The following RYR3 variants were observed in gnomAD, a reference collection of about 807,000 sequenced individuals.
RYR3 encodes brain ryanodine receptor-calcium release channel.
Under a neutral mutation model 584.3 loss-of-function variants are expected in RYR3, and 207 were observed. That is an observed-to-expected ratio of 0.35 (90% CI 0.32 to 0.40). The LOEUF is 0.40. Among genes scored for constraint, RYR3 ranks in the 10% least tolerant of loss-of-function variants. The probability of loss-of-function intolerance (pLI) is 1.00; values close to 1 mark genes in which losing one functional copy is unlikely to be tolerated. For synonymous variants in RYR3, 2,416 were observed against 2,248.5 expected (o/e 1.07, Z -2.11); for missense variants, 5,616 against 6,089.2 (o/e 0.92, Z 2.59).
rs746178483 is a variant in RYR3, at chr15:33,724,167, T to C, written c.6903T>C (p.Pro2301=). ...ALIDLLGRCA[P]EMHLIQTGKG... is the part of the protein sequence containing the mutation. ...TAGATCTACTGGGCCGCTGTGCTCC[T>C]GAAATGCACGTAAGTGATACAGCTT... The change falls in exon 45 of 104, where the codon CCT becomes CCC. Residue 2301 remains proline (P), a synonymous_variant. Transcript: ENST00000634891. The C allele has an allele frequency of 5.7e-6, 9 of 1,591,070 alleles. No individual in the cohort carries two copies. The highest frequency in any genetic ancestry group is 7.8e-6 in the Non-Finnish European group (9 of 1,160,456).
At chr15:33,799,049 A>AT (rs143553070) in intron 67 of RYR3, among the ~76,000 whole-genome samples, 2,621 of 150,982 alleles carry the variant, frequency 0.017, 82 homozygotes, top group African/African-American at 0.057. Context: ...TTTGAGACGC[A>AT]TTTTTTTTTA....
chr15:33,863,892 T>C (rs1889452288), intron 102 of RYR3, among the ~76,000 whole-genome samples: 1 of 152,252 alleles, frequency 6.6e-6, no homozygotes, highest in Non-Finnish European at 1.5e-5. Flanking sequence ...CAAGTGATCT[T>C]ACTTAGTTCA....
intron 27 of RYR3, among the ~76,000 whole-genome samples, chr15:33,637,763 TTAAAG>T (rs889811606): frequency 4.6e-5 from 7 of 152,380 alleles, no homozygotes; most frequent in Admixed American, 2.0e-4. Context: ...CACCTATTGT[TTAAAG>T]TATGCATATT....
intron 76 of RYR3, 116 bp from the exon 77 acceptor site, chr15:33,819,640 C>G: frequency 6.4e-6 from 4 of 620,454 alleles, no homozygotes; most frequent in Non-Finnish European, 9.1e-6. Context: ...CGTCATTGCA[C>G]TCCAGCCTAG....
At chr15:33,477,971 G>A (rs977985927) in intron 2 of RYR3, among the ~76,000 whole-genome samples, 1 of 148,556 alleles carries the variant, frequency 6.7e-6, no homozygotes, top group African/African-American at 2.5e-5. Flanking sequence ...TCATTTTATC[G>A]ATAGCAAATG....
intron 32 of RYR3, 146 bp from the exon 33 acceptor site, chr15:33,659,574 G>A: frequency 1.6e-6 from 1 of 641,534 alleles, no homozygotes; most frequent in Non-Finnish European, 2.8e-6. Flanking sequence ...TAGATAACTG[G>A]TCTCTGCGAA....
At chr15:33,398,967 A>G (rs1253237731) in intron 1 of RYR3, among the ~76,000 whole-genome samples, 1 of 152,128 alleles carries the variant, frequency 6.6e-6, no homozygotes, top group Admixed American at 6.5e-5. Flanking sequence ...CTGGTTCTCT[A>G]GGTTGAATGT....
chr15:33,510,354 T>A (rs1334901628), intron 3 of RYR3, among the ~76,000 whole-genome samples: 1 of 152,232 alleles, frequency 6.6e-6, no homozygotes, highest in African/African-American at 2.4e-5. Context: ...CAAGTTAAAC[T>A]GGAAAAGTGT....
intron 38 of RYR3, among the ~76,000 whole-genome samples, chr15:33,683,711 G>T (rs1371658887): frequency 6.6e-6 from 1 of 152,248 alleles, no homozygotes; most frequent in East Asian, 1.9e-4. Flanking sequence ...CAAGGGGTCG[G>T]GGGATTTCCC....
At chr15:33,432,837 C>G (rs2045313580) in intron 1 of RYR3, among the ~76,000 whole-genome samples, 2 of 151,948 alleles carry the variant, frequency 1.3e-5, no homozygotes, top group Non-Finnish European at 2.9e-5. Context: ...GAAGATTTTT[C>G]TAGTCTCAAT....
intron 57 of RYR3, among the ~76,000 whole-genome samples, chr15:33,750,798 G>A (rs890489984): frequency 5.3e-5 from 8 of 152,096 alleles, no homozygotes; most frequent in Non-Finnish European, 7.3e-5. Flanking sequence ...AGGTATACAC[G>A]TGCCATGGTG....
At chr15:33,368,587 T>C (rs1975851827) in intron 1 of RYR3, among the ~76,000 whole-genome samples, 1 of 152,074 alleles carries the variant, frequency 6.6e-6, no homozygotes, top group Non-Finnish European at 1.5e-5. Context: ...CCTGGTCCTG[T>C]GTAAGTGGTG....
intron 1 of RYR3, among the ~76,000 whole-genome samples, chr15:33,439,771 A>G (rs892625957): frequency 2.0e-5 from 3 of 152,210 alleles, no homozygotes; most frequent in African/African-American, 7.2e-5. Flanking sequence ...AATAATCCAT[A>G]TGAAGTACTT....
chr15:33,496,388 G>A (rs984299744), intron 2 of RYR3, among the ~76,000 whole-genome samples: 1 of 152,124 alleles, frequency 6.6e-6, no homozygotes, highest in African/African-American at 2.4e-5. Context: ...TCCTGAACGA[G>A]GCAGTCTCAG....
At chr15:33,612,810 A>G (rs2060263272) in intron 18 of RYR3, among the ~76,000 whole-genome samples, 1 of 152,214 alleles carries the variant, frequency 6.6e-6, no homozygotes, top group South Asian at 2.1e-4. Context: ...CACACCAGCT[A>G]CTTCTGAAGA....
chr15:33,593,145 G>GC (rs1051267843), intron 16 of RYR3, among the ~76,000 whole-genome samples: 13 of 152,242 alleles, frequency 8.5e-5, no homozygotes, highest in African/African-American at 3.1e-4. Flanking sequence ...ATCTCAGTGA[G>GC]CAGAGGAGTG....
chr15:33,566,905 A>G (rs2057746765), intron 12 of RYR3, 106 bp downstream of exon 12: 13 of 1,252,600 alleles, frequency 1.0e-5, no homozygotes, highest in Non-Finnish European at 1.5e-5. Context: ...GGAAATAATG[A>G]TACACCAGCA....
chr15:33,792,789 C>T (rs2075241120), intron 67 of RYR3, among the ~76,000 whole-genome samples: 1 of 152,140 alleles, frequency 6.6e-6, no homozygotes, highest in Non-Finnish European at 1.5e-5. Flanking sequence ...GGGTATGACC[C>T]TTACCCTATT....
At chr15:33,708,098 C>T (rs1233606364) in intron 43 of RYR3, among the ~76,000 whole-genome samples, 1 of 152,166 alleles carries the variant, frequency 6.6e-6, no homozygotes, top group African/African-American at 2.4e-5. Flanking sequence ...TCTTGTTTAT[C>T]ACCAGCTTTG....
Sources: gnomAD v4.1 joint callset for allele counts (sites outside exome capture counted in the v4.1 genomes callset) on GRCh38, gnomAD v4.1.1 for gene constraint, MANE v1.5 for transcripts, NCBI Gene and HGNC (gene_info 2026-07-23, HGNC 2026-07-21) for gene names.